The following KCNQ1OT1 variants were observed in gnomAD, a reference collection of about 807,000 sequenced individuals.
KCNQ1OT1 encodes KCNQ1 opposite strand/antisense transcript 1.
At position 2,686,884 on chromosome 11, in the gene KCNQ1OT1, C is replaced by G. The variant is rs1850498438; in HGVS notation, n.13111G>C. The stretch of plus-strand genomic sequence containing the variant: ...GCCCTGGTTTGTGTCTGCCCAGTGA[C>G]CAGCCTGAAGATAGAGGCAACCCAA... On this transcript the variant is annotated non_coding_transcript_exon_variant, in exon 1 of 1. Transcript: ENST00000597346. 2.8e-5 allele frequency: 11 copies of G among 398,550 alleles called. No individual in the cohort carries two copies. The Admixed American group carries it at 4.8e-4, about 18-fold the overall frequency. The allele number at this position is 398,550 out of a possible 1,614,324, so 24.7% of individuals were successfully genotyped here.
exon 1 of KCNQ1OT1, chr11:2,650,808 G>A (rs571092798): frequency 3.0e-5 from 12 of 398,650 alleles, no homozygotes; most frequent in African/African-American, 2.3e-4. Context: ...CATGGGTCAT[G>A]TGGTTTTATT....
chr11:2,646,792 A>C, exon 1 of KCNQ1OT1: 1 of 398,626 alleles, frequency 2.5e-6, no homozygotes, highest in Non-Finnish European at 4.4e-6. Context: ...CTGAAATTAC[A>C]AGCATGAGCC....
At position 2,623,096 on chromosome 11, in the gene KCNQ1OT1, GT is replaced by G. The variant is rs1849201832; in HGVS notation, n.76898del. The G allele has an allele frequency of 2.5e-6, 1 of 398,410 alleles. No homozygotes were observed. The allele number at this position is 398,410 out of a possible 1,614,324, so 24.7% of individuals were successfully genotyped here. Reference sequence around the variant, plus strand: ...TGATAGTGAGTTCTCATGAGATCTGGTTGTTTAAACGTGTGTGGCACTTCCC... The same window carrying G: ...TGATAGTGAGTTCTCATGAGATCTGGTGTTTAAACGTGTGTGGCACTTCCC... On this transcript the variant is annotated non_coding_transcript_exon_variant, in exon 1 of 1. Coordinates refer to ENST00000597346, the Ensembl canonical transcript of KCNQ1OT1. This position sits in a 1 kb window ranked among gnomAD's most constrained non-coding sequence, Gnocchi z 5.2.
At chr11:2,660,187 GA>G in exon 1 of KCNQ1OT1, 1 of 397,600 alleles carries the variant, frequency 2.5e-6, no homozygotes, top group Middle Eastern at 6.3e-4. Context: ...TTTTATTTTA[GA>G]TTTTTTTTCA....
Position 2,698,130 on chromosome 11 carries a change from G to C in KCNQ1OT1, n.1865C>G. 3 of 398,666 alleles carry C rather than the reference G, an allele frequency of 7.5e-6. No homozygotes were observed. The highest frequency in any genetic ancestry group is 1.3e-5 in the Non-Finnish European group (3 of 226,078). The allele number at this position is 398,666 out of a possible 1,614,324, so 24.7% of individuals were successfully genotyped here. A position where few individuals can be genotyped will look rare whatever the true frequency, so the allele number is the denominator to read the frequency against. ...CAGGCTCTTGGCTGGGTACAGAGCA[G>C]GCAGCAGAAAACAAAACAGAGTTCC... On this transcript the variant is annotated non_coding_transcript_exon_variant, in exon 1 of 1. Transcript: ENST00000597346. This position sits in a 1 kb window ranked among gnomAD's most constrained non-coding sequence, Gnocchi z 5.1.
At chr11:2,643,859 C>G in exon 1 of KCNQ1OT1, 1 of 398,508 alleles carries the variant, frequency 2.5e-6, no homozygotes, top group Non-Finnish European at 4.4e-6. Flanking sequence ...TATAACTTTG[C>G]TAAGTACAGT....
In KCNQ1OT1 at chr11:2,693,663, G is replaced by A. The variant is rs765539603; in HGVS notation, n.6332C>T. On this transcript the variant is annotated non_coding_transcript_exon_variant, in exon 1 of 1. Transcript: ENST00000597346. ...CTCTGGGAGAAAGGCTTTTAGTTCC[G>A]CAGACAGAGCAGCCAGAGACTGGGT... The A allele has an allele frequency of 4.3e-5, 17 of 398,520 alleles. No individual in the cohort carries two copies. The South Asian group carries it at 5.1e-4, about 12-fold the overall frequency. The allele number at this position is 398,520 out of a possible 1,614,324, so 24.7% of individuals were successfully genotyped here.
At position 2,651,613 on chromosome 11, in the gene KCNQ1OT1, G is replaced by C. The variant is rs1230213592; in HGVS notation, n.48382C>G. ...CCACATAGCAGGTCCTCCAAGATTT[G>C]CTGATCTGCCTGCCCCACCTGGGGT... On this transcript the variant is annotated non_coding_transcript_exon_variant, in exon 1 of 1. Coordinates refer to ENST00000597346, the Ensembl canonical transcript of KCNQ1OT1. The surrounding 1 kb of genome is among the most constrained non-coding windows in gnomAD (Gnocchi z 6.1). The C allele has an allele frequency of 2.5e-6, 1 of 398,564 alleles. No homozygotes were observed. Among genetic ancestry groups the C allele is most frequent in the African/African-American group, 2.1e-5 (1 of 48,638 alleles). 24.7% of individuals were successfully genotyped at this position (398,564 alleles called of 1,614,324 possible). A position where few individuals can be genotyped will look rare whatever the true frequency, so the allele number is the denominator to read the frequency against.
exon 1 of KCNQ1OT1, chr11:2,640,109 C>A (rs924380121): frequency 3.4e-6 from 1 of 290,134 alleles, no homozygotes; most frequent in African/African-American, 2.2e-5. Flanking sequence ...GTCTGTCACC[C>A]CTTCCGTTGG....
exon 1 of KCNQ1OT1, chr11:2,650,593 G>A: frequency 2.5e-6 from 1 of 398,604 alleles, no homozygotes; most frequent in Non-Finnish European, 4.4e-6. Flanking sequence ...AAGGCAAGAA[G>A]GCTCCTTAGA....
exon 1 of KCNQ1OT1, chr11:2,681,089 G>A (rs1850389251): frequency 2.5e-6 from 1 of 398,596 alleles, no homozygotes; most frequent in Admixed American, 4.4e-5. Flanking sequence ...CACTAATGAT[G>A]TGGTTATTTT....
rs1849154511 is a variant in KCNQ1OT1 at position 2,620,651 on chromosome 11, A to T, written n.79344T>A. 2.5e-6 allele frequency: 1 copy of T among 398,458 alleles called. No individual in the cohort carries two copies. Among genetic ancestry groups the T allele is most frequent in the East Asian group, 3.6e-5 (1 of 28,066 alleles). 24.7% of individuals were successfully genotyped at this position (398,458 alleles called of 1,614,324 possible). A position where few individuals can be genotyped will look rare whatever the true frequency, so the allele number is the denominator to read the frequency against. Reference sequence around the variant, plus strand: ...TTGTGAATAGTGCTGTGATGAACATACAAATGCATGTGTCTTTTTGATAGA... The same window carrying T: ...TTGTGAATAGTGCTGTGATGAACATTCAAATGCATGTGTCTTTTTGATAGA... On this transcript the variant is annotated non_coding_transcript_exon_variant, in exon 1 of 1. Coordinates refer to ENST00000597346, the Ensembl canonical transcript of KCNQ1OT1. This position sits in a 1 kb window ranked among gnomAD's most constrained non-coding sequence, Gnocchi z 4.5.
chr11:2,682,292 C>T lies in KCNQ1OT1; in HGVS notation n.17703G>A. On this transcript the variant is annotated non_coding_transcript_exon_variant, in exon 1 of 1. Coordinates refer to ENST00000597346, the Ensembl canonical transcript of KCNQ1OT1. This position sits in a 1 kb window ranked among gnomAD's most constrained non-coding sequence, Gnocchi z 5.8. ...CTTAAGACTGGGCTGTAAAAAATCACATACCTCCCCTCCCATTCTTAATGT... is the reference window on the plus strand; with the variant it reads ...CTTAAGACTGGGCTGTAAAAAATCATATACCTCCCCTCCCATTCTTAATGT... The T allele has an allele frequency of 5.0e-6, 2 of 398,646 alleles. No individual in the cohort carries two copies. Among genetic ancestry groups the T allele is most frequent in the Non-Finnish European group, 8.8e-6 (2 of 226,086 alleles). 24.7% of individuals were successfully genotyped at this position (398,646 alleles called of 1,614,324 possible).
At position 2,653,497 on chromosome 11, in the gene KCNQ1OT1, G is replaced by C; in HGVS notation, n.46498C>G. 1 of 398,662 alleles carries C rather than the reference G, an allele frequency of 2.5e-6. No individual in the cohort carries two copies. The highest frequency in any genetic ancestry group is 4.4e-6 in the Non-Finnish European group (1 of 226,126). The allele number at this position is 398,662 out of a possible 1,614,324, so 24.7% of individuals were successfully genotyped here. A position where few individuals can be genotyped will look rare whatever the true frequency, so the allele number is the denominator to read the frequency against. ...CTGTTTCAGACACAGCTGGACCCCA[G>C]AGCTGAGATGATCTTGCTCACTTGC... On this transcript the variant is annotated non_coding_transcript_exon_variant, in exon 1 of 1. Transcript: ENST00000597346. This position sits in a 1 kb window ranked among gnomAD's most constrained non-coding sequence, Gnocchi z 5.3.
At chr11:2,609,559 C>A in exon 1 of KCNQ1OT1, 1 of 393,658 alleles carries the variant, frequency 2.5e-6, no homozygotes, top group Admixed American at 4.5e-5. Flanking sequence ...TGGTGTTGCT[C>A]ATATCTTCTG....
In KCNQ1OT1 at chr11:2,621,118, C is replaced by A. The variant is rs1849164641; in HGVS notation, n.78877G>T. The A allele has an allele frequency of 2.5e-6, 1 of 397,022 alleles. No homozygotes were observed. Among genetic ancestry groups the A allele is most frequent in the Non-Finnish European group, 4.4e-6 (1 of 225,754 alleles). 24.6% of individuals were successfully genotyped at this position (397,022 alleles called of 1,614,324 possible). A position where few individuals can be genotyped will look rare whatever the true frequency, so the allele number is the denominator to read the frequency against. On this transcript the variant is annotated non_coding_transcript_exon_variant, in exon 1 of 1. Transcript: ENST00000597346. This position sits in a 1 kb window ranked among gnomAD's most constrained non-coding sequence, Gnocchi z 5.7. ...TCAGACTCCTGAGTAGCTGGGATTA[C>A]AGGTGACCGCCACCATACCTGGCTA...
chr11:2,644,688 ATC>A (rs1482236568), exon 1 of KCNQ1OT1: 1 of 398,336 alleles, frequency 2.5e-6, no homozygotes, highest in Admixed American at 4.4e-5. Context: ...CAATTTTTTG[ATC>A]TGTCTTTCCT....
At chr11:2,648,564 G>A (rs193053027) in exon 1 of KCNQ1OT1, 83 of 398,362 alleles carry the variant, frequency 2.1e-4, no homozygotes, top group East Asian at 1.4e-3. Flanking sequence ...TTTGATTTCC[G>A]TGTATCTGTT....
Position 2,677,003 on chromosome 11 carries a change from C to T in KCNQ1OT1, n.22992G>A, listed in dbSNP as rs1850305348. On this transcript the variant is annotated non_coding_transcript_exon_variant, in exon 1 of 1. Coordinates refer to ENST00000597346, the Ensembl canonical transcript of KCNQ1OT1. The surrounding 1 kb of genome is among the most constrained non-coding windows in gnomAD (Gnocchi z 4.5). Reference sequence around the variant, plus strand: ...TTAACAGCTGCAGAGTTTCATTGTGCCATGATTTATGGAACAGATCCTCTG... The same window carrying T: ...TTAACAGCTGCAGAGTTTCATTGTGTCATGATTTATGGAACAGATCCTCTG... 1 of 398,590 alleles carries T rather than the reference C, an allele frequency of 2.5e-6. No individual in the cohort carries two copies. Among genetic ancestry groups the T allele is most frequent in the Non-Finnish European group, 4.4e-6 (1 of 226,048 alleles). 24.7% of individuals were successfully genotyped at this position (398,590 alleles called of 1,614,324 possible). A position where few individuals can be genotyped will look rare whatever the true frequency, so the allele number is the denominator to read the frequency against.
Sources: allele counts gnomAD v4.1 joint callset, GRCh38; gene constraint gnomAD v4.1.1; non-coding constraint Gnocchi (gnomAD v3.1); transcripts MANE v1.5; gene names NCBI Gene and HGNC (gene_info 2026-07-23, HGNC 2026-07-21).